The following PCDH11X variants were observed in gnomAD, a reference collection of about 807,000 sequenced individuals.
PCDH11X encodes protocadherin 11 X-linked.
In PCDH11X, 18 loss-of-function variants were observed where a neutral mutation model predicts 53.3. That is an observed-to-expected ratio of 0.34 (90% CI 0.23 to 0.50). The LOEUF is 0.50. PCDH11X is among the 20% of genes least tolerant of loss of function. The pLI, the probability that PCDH11X is intolerant of heterozygous loss-of-function variation, is 0.98. For missense variants in PCDH11X, 570 were observed against 1,032.4 expected (o/e 0.55, Z 6.14); for synonymous variants, 279 against 393.3 (o/e 0.71, Z 3.44).
intron 7 of PCDH11X, among the ~76,000 whole-genome samples, chrX:92,222,781 C>A (rs2066906087): frequency 9.0e-6 from 1 of 111,514 alleles, no homozygotes. Context: ...ACATCCTTTC[C>A]CCTCTCCTAG....
At chrX:92,054,349 G>T (rs779780793) in intron 6 of PCDH11X, among the ~76,000 whole-genome samples, 185 of 111,576 alleles carry the variant, frequency 1.7e-3, no homozygotes, top group African/African-American at 5.8e-3. Flanking sequence ...GTTGACCATG[G>T]AAATGATATA....
intron 8 of PCDH11X, among the ~76,000 whole-genome samples, chrX:92,291,635 T>A: frequency 9.6e-6 from 1 of 103,833 alleles, no homozygotes; most frequent in Admixed American, 1.1e-4. Flanking sequence ...TAGTTTTTAG[T>A]TCTGTTGTGT....
intron 6 of PCDH11X, among the ~76,000 whole-genome samples, chrX:92,133,690 C>A (rs1453350340): frequency 8.9e-6 from 1 of 112,298 alleles, no homozygotes; most frequent in Admixed American, 9.5e-5. Context: ...TTATGAGAAA[C>A]CACGTATCTT....
At chrX:91,890,111 A>G (rs1205977932) in intron 6 of PCDH11X, among the ~76,000 whole-genome samples, 1 of 107,583 alleles carries the variant, frequency 9.3e-6, no homozygotes, top group African/African-American at 3.4e-5. Context: ...AGGAAATGTC[A>G]TATTAATTTG....
intron 7 of PCDH11X, among the ~76,000 whole-genome samples, chrX:92,230,604 A>T: frequency 1.0e-5 from 1 of 96,643 alleles, no homozygotes; most frequent in Admixed American, 1.3e-4. Flanking sequence ...ATATATATAT[A>T]ATATATACAT....
chrX:92,167,001 G>A (rs1202734921), intron 6 of PCDH11X, among the ~76,000 whole-genome samples: 2 of 109,453 alleles, frequency 1.8e-5, no homozygotes, highest in East Asian at 2.9e-4. Context: ...CCTTTATCAC[G>A]TTGGCAACTC....
intron 10 of PCDH11X, among the ~76,000 whole-genome samples, chrX:92,539,213 T>C (rs2074716455): frequency 9.1e-6 from 1 of 109,843 alleles, no homozygotes; most frequent in Non-Finnish European, 1.9e-5. Context: ...TTCTGTACTT[T>C]TCTTTAAGGA....
At chrX:92,396,565 C>T (rs2071250353) in intron 9 of PCDH11X, among the ~76,000 whole-genome samples, 1 of 102,788 alleles carries the variant, frequency 9.7e-6, no homozygotes, top group South Asian at 5.3e-4. Context: ...TGCTTTTGGC[C>T]GGGCACGGTG....
intron 10 of PCDH11X, among the ~76,000 whole-genome samples, chrX:92,561,695 C>A (rs1440434233): frequency 2.7e-5 from 3 of 109,362 alleles, no homozygotes; most frequent in Middle Eastern, 4.3e-3. Flanking sequence ...GAGTTATTGG[C>A]CTTAAAGGGG....
At chrX:92,252,823 G>A (rs964207653) in intron 7 of PCDH11X, among the ~76,000 whole-genome samples, 8 of 110,593 alleles carry the variant, frequency 7.2e-5, no homozygotes, top group Non-Finnish European at 1.5e-4. Flanking sequence ...TCCTCCAGAA[G>A]GTTTCTTCCA....
chrX:92,264,106 G>A (rs1463409649), intron 8 of PCDH11X, among the ~76,000 whole-genome samples: 1 of 111,907 alleles, frequency 8.9e-6, no homozygotes, highest in Admixed American at 9.5e-5. Context: ...CACACTTTAC[G>A]TTTGAAAAAG....
At chrX:92,568,202 A>G (rs1179451104) in intron 10 of PCDH11X, among the ~76,000 whole-genome samples, 1 of 110,151 alleles carries the variant, frequency 9.1e-6, no homozygotes, top group Non-Finnish European at 1.9e-5. Flanking sequence ...CGGGCAGATC[A>G]CTAGGTCAGG....
chrX:92,139,120 A>G (rs2065131706), intron 6 of PCDH11X, among the ~76,000 whole-genome samples: 1 of 107,902 alleles, frequency 9.3e-6, no homozygotes, highest in South Asian at 4.0e-4. Context: ...ATGTAAGTAA[A>G]CATTTTAATT....
At chrX:92,281,200 C>A (rs775609499) in intron 8 of PCDH11X, among the ~76,000 whole-genome samples, 2 of 111,745 alleles carry the variant, frequency 1.8e-5, no homozygotes, top group Admixed American at 9.6e-5. Flanking sequence ...ATTTCTGAAC[C>A]AAAGGTCATA....
intron 1 of PCDH11X, among the ~76,000 whole-genome samples, chrX:91,782,784 G>A (rs1258281028): frequency 8.9e-6 from 1 of 111,803 alleles, no homozygotes; most frequent in African/African-American, 3.3e-5. Context: ...TAAGACGGAA[G>A]CCCGCTGCGG....
chrX:91,948,026 G>T (rs1602544441), intron 6 of PCDH11X, among the ~76,000 whole-genome samples: 1 of 84,887 alleles, frequency 1.2e-5, no homozygotes, highest in Admixed American at 1.7e-4. Context: ...ATGCTATATG[G>T]TATCCTGTTT....
intron 6 of PCDH11X, among the ~76,000 whole-genome samples, chrX:92,080,228 TG>T (rs1365794128): frequency 9.0e-6 from 1 of 111,189 alleles, no homozygotes; most frequent in Non-Finnish European, 1.9e-5. Context: ...TGCACCCTGC[TG>T]TCACTTTCAT....
At chrX:92,498,201 C>T (rs1011620129) in intron 10 of PCDH11X, among the ~76,000 whole-genome samples, 1 of 111,346 alleles carries the variant, frequency 9.0e-6, no homozygotes, top group African/African-American at 3.3e-5. Flanking sequence ...CCTTTTCTCT[C>T]TTTTAAGGTG....
chrX:92,551,879 G>C (rs2074960652), intron 10 of PCDH11X, among the ~76,000 whole-genome samples: 1 of 105,717 alleles, frequency 9.5e-6, no homozygotes, highest in South Asian at 4.3e-4. Context: ...TTTAATTCTG[G>C]GTTCTCTATT....
Sources: allele counts gnomAD v4.1 joint callset (sites outside exome capture counted in the v4.1 genomes callset), GRCh38; gene constraint gnomAD v4.1.1; transcripts MANE v1.5; gene names NCBI Gene and HGNC (gene_info 2026-07-23, HGNC 2026-07-21).